The following TNK1 variants were observed in gnomAD, a reference collection of about 807,000 sequenced individuals.
The protein encoded by TNK1 is tyrosine kinase non receptor 1, also known as non-receptor tyrosine-protein kinase TNK1.
In TNK1, 53 loss-of-function variants were observed where a neutral mutation model predicts 65.2. The observed-to-expected ratio is 0.81, with a 90% CI of 0.65 to 1.02. The LOEUF (loss-of-function observed/expected upper bound fraction) is 1.02. Ranked by LOEUF, TNK1 falls within the 50% of genes least tolerant of loss-of-function variation. TNK1 has a pLI of 0.00. For synonymous variants in TNK1, 353 were observed against 364.6 expected (o/e 0.97, Z 0.36); for missense variants, 837 against 878.4 (o/e 0.95, Z 0.60).
intron 10 of TNK1, among the ~76,000 whole-genome samples, chr17:7,387,732 G>C (rs1247847106): frequency 6.6e-6 from 1 of 151,780 alleles, no homozygotes; most frequent in African/African-American, 2.4e-5. Flanking sequence ...AGCCTCCCGA[G>C]TAGCTGGGAC....
At position 7,388,665 on chromosome 17, in the gene TNK1, C is replaced by A. The variant is rs761610277; in HGVS notation, c.1737C>A (p.Gly579=). The A allele has an allele frequency of 3.1e-6, 5 of 1,613,772 alleles. No individual in the cohort carries two copies. The East Asian group carries it at 6.7e-5, about 22-fold the overall frequency. Residue 579 remains glycine, a synonymous_variant, in exon 11 of 13, where the codon GGC becomes GGA. Coordinates refer to ENST00000688331, the MANE Select transcript of TNK1 (RefSeq NM_003985.6). The surrounding 1 kb of genome is among the most constrained non-coding windows in gnomAD (Gnocchi z 4.5). ...GARKAAALSG[G]LLSDPELQRK... ...GTAAAGCCGCTGCCCTCTCTGGAGG[C>A]CTCTTGTCCGATCCTGAGTTGCAGA...
At position 7,388,567 on chromosome 17, in the gene TNK1, C is replaced by A; in HGVS notation, c.1639C>A (p.Pro547Thr). ...LSSSSPQPSQ[P>T]SRERLPWPKR... The stretch of plus-strand genomic sequence containing the variant: ...CTCTAGCTCTCCTCAGCCCAGCCAG[C>A]CCTCTAGGGAGAGGCTTCCCTGGCC... The change falls in exon 11 of 13, where the codon CCC becomes ACC. Residue 547 changes from proline (P) to threonine (T), a missense_variant. Coordinates refer to ENST00000688331, the MANE Select transcript of TNK1 (RefSeq NM_003985.6). This position sits in a 1 kb window ranked among gnomAD's most constrained non-coding sequence, Gnocchi z 4.5. The A allele has an allele frequency of 6.2e-7, 1 of 1,614,012 alleles. No individual in the cohort carries two copies.
chr17:7,386,778 C>A, intron 8 of TNK1, 123 bp downstream of exon 8: 1 of 1,095,100 alleles, frequency 9.1e-7, no homozygotes, highest in African/African-American at 1.5e-5. Flanking sequence ...TCTCCTCTCC[C>A]CACTGGGTCC....
rs1211096253 is a variant in TNK1 at position 7,388,223 on chromosome 17, T to C, written c.1478-183T>C. Among the ~76,000 whole-genome samples, 1 of 152,150 alleles carries C rather than the reference T, an allele frequency of 6.6e-6. No individual in the cohort carries two copies. The highest frequency in any genetic ancestry group is 1.5e-5 in the Non-Finnish European group (1 of 68,024). On this transcript the variant is annotated intron_variant, in intron 10 of 12. Coordinates refer to ENST00000688331, the MANE Select transcript of TNK1 (RefSeq NM_003985.6). This position sits in a 1 kb window ranked among gnomAD's most constrained non-coding sequence, Gnocchi z 4.5. ...GGTGGATGGCTTGAGTCCAGGAGTT[T>C]GAGACCAGCCTGGGCAATGTGCCGA...
Position 7,389,130 on chromosome 17 carries a change from C to T in TNK1, c.*46C>T, listed in dbSNP as rs563791157. On this transcript the variant is annotated 3_prime_UTR_variant, in exon 13 of 13. Coordinates refer to ENST00000688331, the MANE Select transcript of TNK1 (RefSeq NM_003985.6). ...GACACCAGCATGAAAAGCCTAGGCC[C>T]CTGAGGGCCTGGCCACATGGGACCA... The T allele has an allele frequency of 6.8e-7, 1 of 1,474,922 alleles. No individual in the cohort carries two copies. The highest frequency in any genetic ancestry group is 9.3e-7 in the Non-Finnish European group (1 of 1,080,320). 91.4% of individuals were successfully genotyped at this position (1,474,922 alleles called of 1,614,324 possible).
intron 10 of TNK1, 62 bp downstream of exon 10, chr17:7,387,519 C>T: frequency 1.4e-6 from 2 of 1,408,728 alleles, no homozygotes; most frequent in Non-Finnish European, 1.9e-6. Context: ...ATTCCGACCC[C>T]CTGCCCTAAA....
chr17:7,388,977 C>A lies in TNK1; in HGVS notation c.1879C>A (p.Gln627Lys), dbSNP rs1006435866. The A allele has an allele frequency of 6.4e-7, 1 of 1,554,026 alleles. No individual in the cohort carries two copies. ...CACCCTCCTGCTTCCACAGGTAGAT[C>A]AGCTCTTCCACCTGAGTAGCCGGTC... The part of the protein sequence containing the change: ...VSAIRNLKVD[Q>K]LFHLSSRSRA... The change falls in exon 13 of 13, where the codon CAG becomes AAG. Residue 627 changes from glutamine to lysine, a missense_variant. Coordinates refer to ENST00000688331, the MANE Select transcript of TNK1 (RefSeq NM_003985.6). The surrounding 1 kb of genome is among the most constrained non-coding windows in gnomAD (Gnocchi z 4.5).
Position 7,388,882 on chromosome 17 carries a change from A to G in TNK1, c.1871A>G (p.Lys624Arg), listed in dbSNP as rs766249430. 8.8e-6 allele frequency: 14 copies of G among 1,589,240 alleles called. No individual in the cohort carries two copies. The highest frequency in any genetic ancestry group is 1.2e-5 in the Non-Finnish European group (14 of 1,167,738). Reference sequence around the variant, plus strand: ...GTGGTTTCTGCCATCCGGAACCTCAAGGTAAAGCCAGCCCCTTCTCTTGGG... The same window carrying G: ...GTGGTTTCTGCCATCCGGAACCTCAGGGTAAAGCCAGCCCCTTCTCTTGGG... ...GDVVSAIRNL[K>R]VDQLFHLSSR... The change falls in exon 12 of 13, where the codon AAG becomes AGG. Residue 624 changes from lysine (K) to arginine (R), a missense_variant and splice_region_variant. Physicochemically the swap from Lys to Arg is conservative, Grantham distance 26. Transcript: ENST00000688331. The surrounding 1 kb of genome is among the most constrained non-coding windows in gnomAD (Gnocchi z 4.5).
intron 2 of TNK1, 24 bp from the exon 3 acceptor site, chr17:7,383,226 A>G (rs1377234746): frequency 6.2e-6 from 10 of 1,613,666 alleles, no homozygotes; most frequent in Non-Finnish European, 8.5e-6. Flanking sequence ...CCTCCACTCC[A>G]GCCCTGATTC....
rs747486848 is a variant in TNK1, at chr17:7,383,531, G to T, written c.341G>T (p.Gly114Val). Residue 114 changes from glycine (G) to valine (V), a missense_variant, in exon 4 of 13, where the codon GGT becomes GTT. Gly to Val is a moderately radical substitution (Grantham distance 109). Coordinates refer to ENST00000688331, the MANE Select transcript of TNK1 (RefSeq NM_003985.6). ...EGGLKCLIPEGAVCRGELLGS... is the reference protein window; with the variant it reads ...EGGLKCLIPEVAVCRGELLGS... ...GGCCTCAAGTGTCTGATCCCAGAGG[G>T]TGCTGTTTGCAGAGGGGAGCTGCTG... 4 of 1,613,832 alleles carry T rather than the reference G, an allele frequency of 2.5e-6. No individual in the cohort carries two copies. Among genetic ancestry groups the T allele is most frequent in the Non-Finnish European group, 3.4e-6 (4 of 1,179,878 alleles).
At position 7,383,556 on chromosome 17, in the gene TNK1, G is replaced by A; in HGVS notation, c.366G>A (p.Leu122=). 1 of 1,613,446 alleles carries A rather than the reference G, an allele frequency of 6.2e-7. No homozygotes were observed. The highest frequency in any genetic ancestry group is 1.1e-5 in the South Asian group (1 of 91,048). ...PEGAVCRGEL[L]GSGCFGVVHR... ...GTGCTGTTTGCAGAGGGGAGCTGCT[G>A]GGTTCAGGCTGCTTCGGTGTGGTGC... The change falls in exon 4 of 13, where the codon CTG becomes CTA. Residue 122 remains leucine, a synonymous_variant. Transcript: ENST00000688331.
chr17:7,384,191 G>A lies in TNK1; in HGVS notation c.804G>A (p.Arg268=), dbSNP rs1905036239. 1.3e-6 allele frequency: 2 copies of A among 1,529,616 alleles called. No individual in the cohort carries two copies. The highest frequency in any genetic ancestry group is 2.0e-5 in the Admixed American group (1 of 49,916). The allele number at this position is 1,529,616 out of a possible 1,614,324, so 94.8% of individuals were successfully genotyped here. The change falls in exon 6 of 13, where the codon CGG becomes CGA. Residue 268 remains arginine, a synonymous_variant. Transcript: ENST00000688331. ...AGGTGGCTGACTTCGGGCTGGTGCGGCCTCTGGGCGGTGCCCGGGGCCGCT... is the reference window on the plus strand; with the variant it reads ...AGGTGGCTGACTTCGGGCTGGTGCGACCTCTGGGCGGTGCCCGGGGCCGCT... ...TIKVADFGLV[R]PLGGARGRYV...
rs1191610552 is a variant in TNK1 at position 7,382,087 on chromosome 17, G to A, written c.-91-749G>A. Among the ~76,000 whole-genome samples the A allele has an allele frequency of 2.0e-5, 3 of 152,184 alleles. No homozygotes were observed. Among genetic ancestry groups the A allele is most frequent in the African/African-American group, 7.2e-5 (3 of 41,440 alleles). ...TCAAGACCAGCCTGGCCAATATGGT[G>A]AAACCCCATCTCTACTAAAAATACA... On this transcript the variant is annotated intron_variant, in intron 1 of 12. Transcript: ENST00000688331. The surrounding 1 kb of genome is among the most constrained non-coding windows in gnomAD (Gnocchi z 4.1).
chr17:7,387,578 G>A, intron 10 of TNK1, 121 bp downstream of exon 10: 1 of 826,996 alleles, frequency 1.2e-6, no homozygotes, highest in Non-Finnish European at 1.9e-6. Flanking sequence ...CTGTCTGCTG[G>A]CATCCTAGCT....
At chr17:7,387,543 A>C in intron 10 of TNK1, 86 bp downstream of exon 10, 1 of 1,124,516 alleles carries the variant, frequency 8.9e-7, no homozygotes, top group South Asian at 1.5e-5. Flanking sequence ...ATGCCTTTGC[A>C]TCTATTATTT....
At position 7,382,894 on chromosome 17, in the gene TNK1, G is replaced by A. The variant is rs1415950784; in HGVS notation, c.-33G>A. On this transcript the variant is annotated 5_prime_UTR_variant, in exon 2 of 13. In the 5' UTR this introduces an upstream ATG that the reference lacks. Transcript: ENST00000688331. This position sits in a 1 kb window ranked among gnomAD's most constrained non-coding sequence, Gnocchi z 4.1. The stretch of plus-strand genomic sequence containing the variant: ...CCCTGAGCTCACCATCTGAAGGAGA[G>A]TGCCATCATCCTTAGGAACTCCTTC... The A allele has an allele frequency of 1.9e-6, 3 of 1,610,982 alleles. No homozygotes were observed. Among genetic ancestry groups the A allele is most frequent in the Non-Finnish European group, 2.5e-6 (3 of 1,178,154 alleles).
At position 7,384,553 on chromosome 17, in the gene TNK1, GC is replaced by G. The variant is rs1421013477; in HGVS notation, c.937del (p.Leu313CysfsTer76). 6 of 1,610,080 alleles carry G rather than the reference GC, an allele frequency of 3.7e-6. No individual in the cohort carries two copies. The highest frequency in any genetic ancestry group is 5.1e-6 in the Non-Finnish European group (6 of 1,177,830). Reference sequence around the variant, plus strand: ...CGGACGTGTGGATGTTTGGGGTGACGCTGTGGGAGATGTTCTCCGGGGGCGA... The same window carrying G: ...CGGACGTGTGGATGTTTGGGGTGACGTGTGGGAGATGTTCTCCGGGGGCGA... ...ASDVWMFGVT[L>X]WEMFSGGEEP... On this transcript the variant is annotated frameshift_variant, in exon 7 of 13. Transcript: ENST00000688331. LOFTEE classifies it high-confidence loss of function.
intron 8 of TNK1, 43 bp downstream of exon 8, chr17:7,386,698 C>T (rs369437271): frequency 5.1e-5 from 74 of 1,453,858 alleles, no homozygotes; most frequent in Non-Finnish European, 6.2e-5. Context: ...GAGGAGGATA[C>T]CCTCCCAGCC....
At position 7,382,038 on chromosome 17, in the gene TNK1, C is replaced by T. The variant is rs948640110; in HGVS notation, c.-91-798C>T. ...ATCCCAGCACTTTGGGTGGCCGAGG[C>T]GGGCGGATCACGAGGTCAGGAGTTC... On this transcript the variant is annotated intron_variant, in intron 1 of 12. Coordinates refer to ENST00000688331, the MANE Select transcript of TNK1 (RefSeq NM_003985.6). This position sits in a 1 kb window ranked among gnomAD's most constrained non-coding sequence, Gnocchi z 4.1. Among the ~76,000 whole-genome samples the T allele has an allele frequency of 6.6e-6, 1 of 152,158 alleles. No individual in the cohort carries two copies. The highest frequency in any genetic ancestry group is 1.5e-5 in the Non-Finnish European group (1 of 68,028).
Sources: allele counts gnomAD v4.1 joint callset (sites outside exome capture counted in the v4.1 genomes callset), GRCh38; gene constraint gnomAD v4.1.1; non-coding constraint Gnocchi (gnomAD v3.1); transcripts MANE v1.5; gene names NCBI Gene and HGNC (gene_info 2026-07-23, HGNC 2026-07-21).